BAAT: variants seen among roughly 807,000 people sequenced by gnomAD.
BAAT encodes the protein bile acid-CoA:amino acid N-acyltransferase, also known as bile acid CoA: amino acid N-acyltransferase (glycine N-choloyltransferase).
Under a neutral mutation model 18.9 loss-of-function variants are expected in BAAT, and 13 were observed. That is an observed-to-expected ratio of 0.69 (90% CI 0.45 to 1.10). BAAT has a LOEUF of 1.10. Among genes scored for constraint, BAAT ranks in the 50% least tolerant of loss-of-function variants. The pLI is 0.00. For synonymous variants in BAAT, 170 were observed against 190.7 expected (o/e 0.89, Z 0.89); for missense variants, 489 against 504.0 (o/e 0.97, Z 0.28).
chr9:101,371,449 G>GCAAAACCT lies in BAAT; in HGVS notation c.-53_-46dup. The GCAAAACCT allele has an allele frequency of 1.9e-6, 3 of 1,558,154 alleles. No homozygotes were observed. The highest frequency in any genetic ancestry group is 2.6e-6 in the Non-Finnish European group (3 of 1,143,562). On this transcript the variant is annotated 5_prime_UTR_variant, in exon 2 of 4. Transcript: ENST00000259407. ...GGATGATTCTTCAGGAATATCTTCA[G>GCAAAACCT]CAAAACCTCAAAACCTCAAAAAAGA... is the stretch of plus-strand genomic sequence containing the variant.
intron 3 of BAAT, among the ~76,000 whole-genome samples, chr9:101,363,831 TA>T (rs1211395542): frequency 2.6e-5 from 4 of 152,140 alleles, no homozygotes; most frequent in African/African-American, 9.7e-5. Context: ...CTGGTTAACA[TA>T]GTGAGACCCT....
chr9:101,372,624 T>G (rs1829972458), intron 1 of BAAT, among the ~76,000 whole-genome samples: 1 of 2,782 alleles, frequency 3.6e-4, no homozygotes, highest in African/African-American at 8.0e-4. Context: ...GGGTTGTTGG[T>G]TTTTTTTTTT....
At chr9:101,368,391 CA>C in intron 2 of BAAT, 69 bp from the exon 3 acceptor site, 1 of 1,371,264 alleles carries the variant, frequency 7.3e-7, no homozygotes, top group Non-Finnish European at 1.0e-6. Flanking sequence ...CTTGAAAATA[CA>C]AAGCAGAAAT....
intron 3 of BAAT, among the ~76,000 whole-genome samples, chr9:101,367,502 C>CTT (rs34003904): frequency 5.9e-4 from 86 of 144,616 alleles, no homozygotes; most frequent in Middle Eastern, 3.6e-3. Context: ...ATGCATTATC[C>CTT]TTTTTTTTTT....
At chr9:101,371,542 G>C in intron 1 of BAAT, 79 bp from the exon 2 acceptor site, 7 of 866,834 alleles carry the variant, frequency 8.1e-6, no homozygotes, top group Non-Finnish European at 1.3e-5. Flanking sequence ...TCAGCAGTCA[G>C]ACCACTTAGG....
At chr9:101,366,252 A>T (rs1265294375) in intron 3 of BAAT, among the ~76,000 whole-genome samples, 1 of 152,182 alleles carries the variant, frequency 6.6e-6, no homozygotes, top group Non-Finnish European at 1.5e-5. Flanking sequence ...ACACGAAAGA[A>T]CAAAAAAGCA....
Position 101,370,990 on chromosome 9 carries a change from G to C in BAAT, c.415C>G (p.Arg139Gly). Residue 139 changes from arginine to glycine, a missense_variant, in exon 2 of 4, where the codon CGA becomes GGA. Transcript: ENST00000259407. Reference protein sequence around the residue: ...ERWYVAPGVTRIKVREGRLRG... With the variant: ...ERWYVAPGVTGIKVREGRLRG... The stretch of plus-strand genomic sequence containing the variant: ...AGGCGGCCTTCTCGAACCTTAATTC[G>C]TGTGACACCAGGTGCCACATACCAC... The C allele has an allele frequency of 1.2e-6, 2 of 1,614,088 alleles. No homozygotes were observed. Among genetic ancestry groups the C allele is most frequent in the South Asian group, 2.2e-5 (2 of 91,078 alleles).
chr9:101,383,975 ATCC>A (rs1470720575), intron 1 of BAAT, among the ~76,000 whole-genome samples: 2 of 152,126 alleles, frequency 1.3e-5, no homozygotes, highest in African/African-American at 4.8e-5. Context: ...TCTCCTACTA[ATCC>A]TCCTCAACTA....
intron 1 of BAAT, among the ~76,000 whole-genome samples, chr9:101,380,299 C>T (rs1438921686): frequency 6.6e-6 from 1 of 152,218 alleles, no homozygotes; most frequent in Non-Finnish European, 1.5e-5. Context: ...GCATGTATAT[C>T]CTTTCCCTAT....
At chr9:101,369,459 C>A (rs963565720) in intron 2 of BAAT, among the ~76,000 whole-genome samples, 4 of 152,182 alleles carry the variant, frequency 2.6e-5, no homozygotes, top group African/African-American at 9.7e-5. Flanking sequence ...TCTGACTCAA[C>A]CTCCTTATAA....
intron 3 of BAAT, among the ~76,000 whole-genome samples, chr9:101,365,874 T>C (rs1829817401): frequency 6.6e-6 from 1 of 152,190 alleles, no homozygotes; most frequent in South Asian, 2.1e-4. Context: ...TTATACATAT[T>C]TATGGTGCAT....
intron 2 of BAAT, among the ~76,000 whole-genome samples, chr9:101,369,684 A>G (rs1171415378): frequency 6.6e-6 from 1 of 152,250 alleles, no homozygotes; most frequent in Non-Finnish European, 1.5e-5. Context: ...TGGTCCCTAT[A>G]CATAATAAAG....
intron 1 of BAAT, among the ~76,000 whole-genome samples, chr9:101,374,191 A>C (rs1239616299): frequency 6.6e-6 from 1 of 152,168 alleles, no homozygotes; most frequent in African/African-American, 2.4e-5. Context: ...CACATGACCT[A>C]AGTTTTGAAG....
At chr9:101,380,043 AC>A (rs1432490592) in intron 1 of BAAT, among the ~76,000 whole-genome samples, 1 of 152,184 alleles carries the variant, frequency 6.6e-6, no homozygotes, top group Non-Finnish European at 1.5e-5. Context: ...AATATCAAGC[AC>A]CCTTCCTCTA....
At chr9:101,379,508 C>T (rs1830098688) in intron 1 of BAAT, among the ~76,000 whole-genome samples, 2 of 152,194 alleles carry the variant, frequency 1.3e-5, no homozygotes, top group Admixed American at 1.3e-4. Context: ...ATTCTTGCTG[C>T]ACTTTATGCA....
At chr9:101,381,908 A>G (rs139759072) in intron 1 of BAAT, among the ~76,000 whole-genome samples, 179 of 152,324 alleles carry the variant, frequency 1.2e-3, no homozygotes, top group African/African-American at 4.0e-3. Flanking sequence ...TCATACAGAA[A>G]TACATGAGAG....
intron 3 of BAAT, 127 bp downstream of exon 3, chr9:101,367,993 C>T: frequency 1.0e-6 from 1 of 985,060 alleles, no homozygotes; most frequent in Non-Finnish European, 1.6e-6. Flanking sequence ...TGGCTTCTGG[C>T]CAAGTGTCAG....
At chr9:101,381,309 C>T (rs1453182184) in intron 1 of BAAT, among the ~76,000 whole-genome samples, 4 of 151,708 alleles carry the variant, frequency 2.6e-5, no homozygotes, top group African/African-American at 9.7e-5. Context: ...ACCGGTTGAT[C>T]CCAGGAGGTT....
chr9:101,365,926 A>G (rs1167954061), intron 3 of BAAT, among the ~76,000 whole-genome samples: 1 of 152,198 alleles, frequency 6.6e-6, no homozygotes, highest in Non-Finnish European at 1.5e-5. Context: ...GGAATGAACA[A>G]ATCAGGCTGA....
Sources: gnomAD v4.1 joint callset for allele counts (sites outside exome capture counted in the v4.1 genomes callset) on GRCh38, gnomAD v4.1.1 for gene constraint, MANE v1.5 for transcripts, NCBI Gene and HGNC (gene_info 2026-07-23, HGNC 2026-07-21) for gene names.